TTC1: variants seen among roughly 807,000 people sequenced by gnomAD.
TTC1 encodes tetratricopeptide repeat protein 1.
A neutral mutation model predicts 37.6 loss-of-function variants in TTC1; 31 were observed. That is an observed-to-expected ratio of 0.82 (90% CI 0.62 to 1.11). The LOEUF is 1.11. Ranked by LOEUF, TTC1 falls within the 50% of genes most tolerant of loss-of-function variation. The probability of loss-of-function intolerance (pLI) is 0.00; values close to 1 mark genes in which losing one functional copy is unlikely to be tolerated. For synonymous variants in TTC1, 127 were observed against 122.4 expected (o/e 1.04, Z -0.25); for missense variants, 351 against 339.0 (o/e 1.04, Z -0.28).
chr5:160,050,401 T>C (rs1757370406), intron 6 of TTC1, among the ~76,000 whole-genome samples: 1 of 152,086 alleles, frequency 6.6e-6, no homozygotes, highest in Non-Finnish European at 1.5e-5. Context: ...GAGCTGAGAT[T>C]GCGCCACTGC....
chr5:160,045,675 T>C (rs1215219786), intron 5 of TTC1, among the ~76,000 whole-genome samples: 2 of 151,962 alleles, frequency 1.3e-5, no homozygotes, highest in South Asian at 2.1e-4. Context: ...CATTCTCACC[T>C]CAGTCTCCTA....
At chr5:160,024,585 C>CTT (rs1756768185) in intron 2 of TTC1, among the ~76,000 whole-genome samples, 1 of 152,146 alleles carries the variant, frequency 6.6e-6, no homozygotes, top group Admixed American at 6.5e-5. Context: ...CAGCCTCAAA[C>CTT]TTACGGGCTC....
chr5:160,025,524 T>C (rs1252585345), intron 2 of TTC1, among the ~76,000 whole-genome samples: 1 of 152,196 alleles, frequency 6.6e-6, no homozygotes, highest in East Asian at 1.9e-4. Flanking sequence ...CTGAATAACA[T>C]GTTTTGGAGC....
chr5:160,050,816 G>C (rs535815039), intron 6 of TTC1, among the ~76,000 whole-genome samples: 71 of 151,944 alleles, frequency 4.7e-4, no homozygotes, highest in African/African-American at 1.6e-3. Context: ...TGTAGAGACA[G>C]CATTTTGCCA....
chr5:160,032,337 T>A (rs77221828), intron 2 of TTC1, among the ~76,000 whole-genome samples: 1 of 152,208 alleles, frequency 6.6e-6, no homozygotes, highest in East Asian at 1.9e-4. Context: ...ATCTAGTAAC[T>A]TGATGATTTA....
intron 2 of TTC1, among the ~76,000 whole-genome samples, chr5:160,032,903 T>G (rs1756937345): frequency 1.3e-5 from 2 of 151,248 alleles, no homozygotes; most frequent in Non-Finnish European, 2.9e-5. Flanking sequence ...GGGGGGTATT[T>G]TTAGTAGAGA....
At chr5:160,043,292 T>A in intron 5 of TTC1, 123 bp downstream of exon 5, 1 of 843,598 alleles carries the variant, frequency 1.2e-6, no homozygotes, top group Non-Finnish European at 1.8e-6. Flanking sequence ...AAGAGGCAAC[T>A]TTATAATTAT....
chr5:160,040,032 A>G (rs1757060461), intron 4 of TTC1, among the ~76,000 whole-genome samples: 1 of 152,206 alleles, frequency 6.6e-6, no homozygotes, highest in Admixed American at 6.5e-5. Context: ...ATCATAGAGT[A>G]TACTTACACA....
chr5:160,031,485 A>G (rs747551787), intron 2 of TTC1, among the ~76,000 whole-genome samples: 81 of 151,950 alleles, frequency 5.3e-4, no homozygotes, highest in Admixed American at 2.8e-3. Flanking sequence ...GTGGTGGTGC[A>G]TGCCTGTAAA....
chr5:160,055,583 C>T (rs750561276), intron 7 of TTC1, among the ~76,000 whole-genome samples: 7 of 152,244 alleles, frequency 4.6e-5, no homozygotes, highest in Non-Finnish European at 8.8e-5. Flanking sequence ...GGCATGATAT[C>T]AGGCCCTACC....
At chr5:160,048,027 G>A (rs908757155) in intron 5 of TTC1, among the ~76,000 whole-genome samples, 8 of 148,354 alleles carry the variant, frequency 5.4e-5, no homozygotes, top group Admixed American at 2.0e-4. Flanking sequence ...TACATTGGAC[G>A]TATATATTAA....
chr5:160,026,021 CAG>C (rs778600951), intron 2 of TTC1, among the ~76,000 whole-genome samples: 26 of 152,144 alleles, frequency 1.7e-4, no homozygotes, highest in Non-Finnish European at 2.1e-4. Flanking sequence ...GCTAGTAAGT[CAG>C]AATTCGGTGA....
At chr5:160,015,077 C>T (rs912942040) in intron 2 of TTC1, among the ~76,000 whole-genome samples, 29 of 152,114 alleles carry the variant, frequency 1.9e-4, no homozygotes, top group Admixed American at 1.8e-3. Context: ...TATCTATAGC[C>T]TAAGGAAGGA....
intron 7 of TTC1, among the ~76,000 whole-genome samples, chr5:160,056,689 T>C (rs1166240932): frequency 6.6e-6 from 1 of 152,178 alleles, no homozygotes; most frequent in African/African-American, 2.4e-5. Flanking sequence ...CACCACTTCA[T>C]GCCAGTCTGG....
chr5:160,041,029 G>A (rs1261168632), intron 4 of TTC1, among the ~76,000 whole-genome samples: 2 of 151,724 alleles, frequency 1.3e-5, no homozygotes, highest in Admixed American at 1.3e-4. Context: ...CACAGGATCA[G>A]GAGCATCAGT....
At chr5:160,027,930 T>C (rs920579312) in intron 2 of TTC1, among the ~76,000 whole-genome samples, 1 of 152,188 alleles carries the variant, frequency 6.6e-6, no homozygotes, top group East Asian at 1.9e-4. Flanking sequence ...CAGATGTAGA[T>C]CTTCTATTCT....
chr5:160,049,317 G>A (rs563929804), intron 5 of TTC1, among the ~76,000 whole-genome samples, 197 bp from the exon 6 acceptor site: 2 of 152,270 alleles, frequency 1.3e-5, no homozygotes, highest in African/African-American at 4.8e-5. Context: ...GACACAGATG[G>A]TCTGTCTGAC....
At chr5:160,027,809 T>C (rs1756833010) in intron 2 of TTC1, among the ~76,000 whole-genome samples, 1 of 152,248 alleles carries the variant, frequency 6.6e-6, no homozygotes, top group Non-Finnish European at 1.5e-5. Context: ...TCCACTGTTC[T>C]GGTGAGAAGT....
At chr5:160,020,663 C>G (rs541081189) in intron 2 of TTC1, among the ~76,000 whole-genome samples, 1 of 152,254 alleles carries the variant, frequency 6.6e-6, no homozygotes, top group Admixed American at 6.5e-5. Context: ...GCTTGTGAAC[C>G]CTGTTGTGAA....
Sources: gnomAD v4.1 joint callset for allele counts (sites outside exome capture counted in the v4.1 genomes callset) on GRCh38, gnomAD v4.1.1 for gene constraint, MANE v1.5 for transcripts, NCBI Gene and HGNC (gene_info 2026-07-23, HGNC 2026-07-21) for gene names.